Variants in SMYD3 observed in about 807,000 individuals in gnomAD.
The protein encoded by SMYD3 is histone-lysine N-methyltransferase SMYD3.
In SMYD3, 36 loss-of-function variants were observed where a neutral mutation model predicts 57.7. That is an observed-to-expected ratio of 0.62 (90% confidence interval 0.48 to 0.82). The LOEUF (loss-of-function observed/expected upper bound fraction) is 0.82, where lower values mean the gene tolerates loss of function less well. SMYD3 is among the 40% of genes least tolerant of loss of function. SMYD3 has a pLI of 0.00. For synonymous variants in SMYD3, 211 were observed against 195.0 expected (o/e 1.08, Z -0.68); for missense variants, 515 against 538.8 (o/e 0.96, Z 0.44).
At chr1:246,260,823 T>C (rs1442954904) in intron 5 of SMYD3, among the ~76,000 whole-genome samples, 1 of 152,152 alleles carries the variant, frequency 6.6e-6, no homozygotes, top group Non-Finnish European at 1.5e-5. Context: ...AAGCCTCTTA[T>C]CTGCCATCTT....
intron 11 of SMYD3, among the ~76,000 whole-genome samples, chr1:245,751,606 G>GAA (rs770407176): frequency 0.18 from 18,719 of 102,942 alleles, 1,698 homozygotes; most frequent in African/African-American, 0.38. Context: ...GAGAGAGAGA[G>GAA]AAAGAGAGAG....
chr1:245,933,355 G>C (rs939603175), intron 5 of SMYD3, among the ~76,000 whole-genome samples: 1 of 152,096 alleles, frequency 6.6e-6, no homozygotes, highest in Non-Finnish European at 1.5e-5. Context: ...TTAAGCTTGA[G>C]TATTACTTTA....
intron 5 of SMYD3, among the ~76,000 whole-genome samples, chr1:245,999,779 A>C (rs1348112834): frequency 1.3e-5 from 2 of 152,200 alleles, no homozygotes; most frequent in Non-Finnish European, 2.9e-5. Context: ...CTGATCTTTT[A>C]GGCTCACCCA....
At chr1:246,316,133 A>G (rs1219897161) in intron 5 of SMYD3, among the ~76,000 whole-genome samples, 2 of 152,222 alleles carry the variant, frequency 1.3e-5, no homozygotes, top group African/African-American at 4.8e-5. Context: ...AAATCAAACA[A>G]AAACTTTGAA....
chr1:245,887,412 G>T (rs961318418), intron 8 of SMYD3, among the ~76,000 whole-genome samples: 2 of 152,322 alleles, frequency 1.3e-5, no homozygotes, highest in Admixed American at 1.3e-4. Context: ...CCTTGGGGCT[G>T]CTGTGTGTGG....
chr1:246,331,487 T>G (rs980675579), intron 3 of SMYD3, among the ~76,000 whole-genome samples: 2 of 152,220 alleles, frequency 1.3e-5, no homozygotes, highest in Admixed American at 6.5e-5. Context: ...CCTCCATCTT[T>G]ATTCCCACAA....
At chr1:245,987,840 T>C (rs2058733155) in intron 5 of SMYD3, among the ~76,000 whole-genome samples, 1 of 152,218 alleles carries the variant, frequency 6.6e-6, no homozygotes, top group Non-Finnish European at 1.5e-5. Context: ...AACAGCTTCG[T>C]TGTATTCTAA....
intron 5 of SMYD3, among the ~76,000 whole-genome samples, chr1:246,153,614 T>C (rs2061977302): frequency 6.6e-6 from 1 of 152,086 alleles, no homozygotes; most frequent in African/African-American, 2.4e-5. Flanking sequence ...CCACCATGCC[T>C]GGCTAATTAC....
intron 10 of SMYD3, among the ~76,000 whole-genome samples, chr1:245,772,891 G>C (rs1382679402): frequency 6.6e-6 from 1 of 152,116 alleles, no homozygotes; most frequent in Non-Finnish European, 1.5e-5. Context: ...TGAAGACATG[G>C]CTCTTCCAGT....
chr1:245,987,013 A>C (rs952073279), intron 5 of SMYD3, among the ~76,000 whole-genome samples: 2 of 152,174 alleles, frequency 1.3e-5, no homozygotes, highest in African/African-American at 4.8e-5. Flanking sequence ...CCTCCTTTTA[A>C]ATGAGTCACC....
intron 11 of SMYD3, among the ~76,000 whole-genome samples, chr1:245,761,070 G>A (rs533131691): frequency 6.6e-6 from 1 of 152,292 alleles, no homozygotes. Context: ...ACTCTGCCAG[G>A]AGTGCATGTT....
chr1:245,919,223 T>TG (rs1276458197), intron 7 of SMYD3, among the ~76,000 whole-genome samples: 2 of 152,154 alleles, frequency 1.3e-5, no homozygotes, highest in African/African-American at 4.8e-5. Context: ...CATAAAAACT[T>TG]GCGATGGTTT....
chr1:246,016,228 C>A, intron 5 of SMYD3, among the ~76,000 whole-genome samples: 1 of 149,934 alleles, frequency 6.7e-6, no homozygotes, highest in Non-Finnish European at 1.5e-5. Context: ...ACAGTGAAAC[C>A]CCATCACTTA....
At chr1:246,399,179 G>A (rs369365656) in intron 1 of SMYD3, among the ~76,000 whole-genome samples, 7 of 149,034 alleles carry the variant, frequency 4.7e-5, no homozygotes, top group South Asian at 2.2e-4. Context: ...GTGCCACCAC[G>A]CCCAGCTAGT....
chr1:246,375,028 G>A (rs2066251489), intron 1 of SMYD3, among the ~76,000 whole-genome samples: 1 of 152,200 alleles, frequency 6.6e-6, no homozygotes, highest in Non-Finnish European at 1.5e-5. Flanking sequence ...GGGAGGTGGA[G>A]GTTGCAGTGA....
chr1:246,439,571 C>G (rs557609583), intron 1 of SMYD3, among the ~76,000 whole-genome samples: 3 of 152,032 alleles, frequency 2.0e-5, no homozygotes, highest in African/African-American at 7.2e-5. Flanking sequence ...CCTTAGTGTG[C>G]CTTTAGCTTC....
At chr1:246,346,055 G>C (rs563675154) in intron 2 of SMYD3, among the ~76,000 whole-genome samples, 244 of 152,238 alleles carry the variant, frequency 1.6e-3, no homozygotes, top group African/African-American at 5.0e-3. Context: ...GAGGCCAAGG[G>C]GGGTGGATCA....
chr1:245,936,279 T>G (rs55806132), intron 5 of SMYD3, among the ~76,000 whole-genome samples: 3 of 152,092 alleles, frequency 2.0e-5, no homozygotes, highest in African/African-American at 7.2e-5. Flanking sequence ...ACTTACCAGG[T>G]TGAAATTCTT....
intron 5 of SMYD3, among the ~76,000 whole-genome samples, chr1:245,967,690 A>G (rs2058191022): frequency 6.6e-6 from 1 of 152,218 alleles, no homozygotes; most frequent in African/African-American, 2.4e-5. Flanking sequence ...GAGCCCTCAG[A>G]CCAGAGGGCA....
Sources: gnomAD v4.1 joint callset for allele counts (sites outside exome capture counted in the v4.1 genomes callset) on GRCh38, gnomAD v4.1.1 for gene constraint, MANE v1.5 for transcripts, NCBI Gene and HGNC (gene_info 2026-07-23, HGNC 2026-07-21) for gene names.